The following PLXDC2 variants were observed in gnomAD, a reference collection of about 807,000 sequenced individuals.
PLXDC2 encodes plexin domain containing 2, also known as plexin domain-containing protein 2.
In PLXDC2, 40 loss-of-function variants were observed where a neutral mutation model predicts 68.9. That is an observed-to-expected ratio of 0.58 (90% CI 0.45 to 0.76). PLXDC2 has a LOEUF of 0.76. Among genes scored for constraint, PLXDC2 ranks in the 30% least tolerant of loss-of-function variants. PLXDC2 has a pLI of 0.00. For missense variants in PLXDC2, 644 were observed against 661.9 expected (o/e 0.97, Z 0.30); for synonymous variants, 243 against 234.2 (o/e 1.04, Z -0.34).
At chr10:20,077,107 A>T (rs1381543639) in intron 4 of PLXDC2, among the ~76,000 whole-genome samples, 1 of 130,316 alleles carries the variant, frequency 7.7e-6, no homozygotes, top group Non-Finnish European at 1.6e-5. Context: ...ATCAAGGGTA[A>T]GATGACTGGG....
chr10:20,159,674 C>G lies in PLXDC2; in HGVS notation c.784-4794C>G, dbSNP rs142503370. Among the ~76,000 whole-genome samples, 174 of 152,264 alleles carry G rather than the reference C, an allele frequency of 1.1e-3. 2 individuals are homozygous for G. The highest frequency in any genetic ancestry group is 4.0e-3 in the African/African-American group (167 of 41,558). Reference sequence around the variant, plus strand: ...ACTGTCATGGCTTGCAAGGAATACACGCTCCCTATGATCTGCCCCTACCAC... The same window carrying G: ...ACTGTCATGGCTTGCAAGGAATACAGGCTCCCTATGATCTGCCCCTACCAC... On this transcript the variant is annotated intron_variant, in intron 6 of 13. Coordinates refer to ENST00000377252, the MANE Select transcript of PLXDC2 (RefSeq NM_032812.9).
intron 2 of PLXDC2, among the ~76,000 whole-genome samples, chr10:20,014,927 A>T (rs1589586899): frequency 1.3e-5 from 2 of 152,276 alleles, no homozygotes; most frequent in East Asian, 3.9e-4. Context: ...GGTGAATGCA[A>T]ATTGCAGTAA....
At chr10:20,147,069 G>T (rs1051511676) in intron 5 of PLXDC2, among the ~76,000 whole-genome samples, 1 of 151,988 alleles carries the variant, frequency 6.6e-6, no homozygotes, top group African/African-American at 2.4e-5. Flanking sequence ...AATTCTCACT[G>T]GTGACTATTA....
At chr10:20,278,774 A>G (rs947386007) in intron 13 of PLXDC2, among the ~76,000 whole-genome samples, 1 of 152,218 alleles carries the variant, frequency 6.6e-6, no homozygotes, top group Non-Finnish European at 1.5e-5. Flanking sequence ...GTTTTACATT[A>G]GAATTCTTTA....
chr10:19,865,702 A>G (rs544080475), intron 1 of PLXDC2, among the ~76,000 whole-genome samples: 29 of 152,322 alleles, frequency 1.9e-4, no homozygotes, highest in Admixed American at 3.9e-4. Context: ...TTCATAAAGA[A>G]CTGAGACCTT....
chr10:20,175,259 A>G (rs1482769396), intron 7 of PLXDC2, among the ~76,000 whole-genome samples: 1 of 152,214 alleles, frequency 6.6e-6, no homozygotes, highest in Admixed American at 6.5e-5. Flanking sequence ...GCAGTAATAT[A>G]GGTGCTATTA....
chr10:20,217,363 T>A, intron 10 of PLXDC2, 63 bp from the exon 11 acceptor site: 1 of 1,444,748 alleles, frequency 6.9e-7, no homozygotes, highest in Admixed American at 2.1e-5. Flanking sequence ...GCTTCTTTGA[T>A]GTAAGTTCTA....
intron 1 of PLXDC2, among the ~76,000 whole-genome samples, chr10:19,914,305 A>C (rs1014933770): frequency 6.6e-6 from 1 of 152,184 alleles, no homozygotes; most frequent in Admixed American, 6.5e-5. Context: ...AATTCTGAAA[A>C]GAAGAGCTAG....
At chr10:20,064,540 C>A (rs115791080) in intron 3 of PLXDC2, among the ~76,000 whole-genome samples, 2,303 of 152,126 alleles carry the variant, frequency 0.015, 68 homozygotes, top group African/African-American at 0.053. Context: ...GTTCTGTTAG[C>A]CTTTTTGGTT....
chr10:19,956,170 T>C (rs1162169885), intron 1 of PLXDC2, among the ~76,000 whole-genome samples: 1 of 152,208 alleles, frequency 6.6e-6, no homozygotes, highest in African/African-American at 2.4e-5. Context: ...AATACTTTAT[T>C]TGTTTCTGTA....
chr10:19,911,725 T>C (rs1165585350), intron 1 of PLXDC2, among the ~76,000 whole-genome samples: 2 of 152,192 alleles, frequency 1.3e-5, no homozygotes, highest in Non-Finnish European at 2.9e-5. Context: ...TTGTCTCTAG[T>C]TGAGAGCTTT....
At chr10:19,849,245 T>A (rs1425044480) in intron 1 of PLXDC2, among the ~76,000 whole-genome samples, 1 of 152,222 alleles carries the variant, frequency 6.6e-6, no homozygotes, top group Non-Finnish European at 1.5e-5. Context: ...TTCTTTTCCA[T>A]GTGGTGAATT....
At chr10:19,907,883 T>G (rs1323404492) in intron 1 of PLXDC2, among the ~76,000 whole-genome samples, 1 of 152,146 alleles carries the variant, frequency 6.6e-6, no homozygotes, top group African/African-American at 2.4e-5. Flanking sequence ...CTTCAGAAAG[T>G]CTGTCGGCAA....
chr10:19,887,913 T>G (rs1420856163), intron 1 of PLXDC2, among the ~76,000 whole-genome samples: 5 of 152,220 alleles, frequency 3.3e-5, no homozygotes, highest in Non-Finnish European at 7.3e-5. Flanking sequence ...ACATTAATGC[T>G]GAGCCAACCA....
At chr10:20,152,294 A>G (rs1438466620) in intron 6 of PLXDC2, among the ~76,000 whole-genome samples, 2 of 152,270 alleles carry the variant, frequency 1.3e-5, no homozygotes, top group East Asian at 1.9e-4. Context: ...AGATTTGCTC[A>G]TAATATTCAG....
chr10:20,120,699 G>A (rs530424068), intron 4 of PLXDC2, among the ~76,000 whole-genome samples: 77 of 152,262 alleles, frequency 5.1e-4, no homozygotes, highest in Non-Finnish European at 6.3e-4. Context: ...CTGGGTGGGG[G>A]CAAATCCTCG....
intron 3 of PLXDC2, among the ~76,000 whole-genome samples, chr10:20,053,606 C>T (rs1049239838): frequency 3.9e-5 from 6 of 152,058 alleles, no homozygotes; most frequent in African/African-American, 1.4e-4. Flanking sequence ...TTTCTACGTC[C>T]ATGTTATTTA....
At chr10:20,038,009 C>T (rs1297503575) in intron 2 of PLXDC2, among the ~76,000 whole-genome samples, 1 of 152,124 alleles carries the variant, frequency 6.6e-6, no homozygotes, top group Admixed American at 6.5e-5. Flanking sequence ...CGCTGGGAGG[C>T]TGAGGCGGGC....
At chr10:19,876,633 A>G (rs1243518938) in intron 1 of PLXDC2, among the ~76,000 whole-genome samples, 3 of 147,116 alleles carry the variant, frequency 2.0e-5, no homozygotes, top group Non-Finnish European at 3.0e-5. Context: ...AAAGAGAGAG[A>G]GAGAGAGAGA....
Sources: gnomAD v4.1 joint callset for allele counts (sites outside exome capture counted in the v4.1 genomes callset) on GRCh38, gnomAD v4.1.1 for gene constraint, MANE v1.5 for transcripts, NCBI Gene and HGNC (gene_info 2026-07-23, HGNC 2026-07-21) for gene names.